Variants in MIOS observed in about 807,000 individuals in gnomAD.
The protein encoded by MIOS is meiosis regulator for oocyte development, also known as GATOR2 complex protein MIOS.
Under a neutral mutation model 96.9 loss-of-function variants are expected in MIOS, and 52 were observed. That is an observed-to-expected ratio of 0.54 (90% CI 0.43 to 0.68). MIOS has a LOEUF of 0.68. MIOS is among the 30% of genes least tolerant of loss of function. The pLI is 0.00. For synonymous variants in MIOS, 397 were observed against 359.5 expected (o/e 1.10, Z -1.18); for missense variants, 1,005 against 1,052.8 (o/e 0.95, Z 0.63).
chr7:7,586,927 G>C (rs1396239273), intron 7 of MIOS, among the ~76,000 whole-genome samples: 3 of 150,534 alleles, frequency 2.0e-5, no homozygotes, highest in Non-Finnish European at 4.4e-5. Flanking sequence ...GATGTATATT[G>C]TTTAAATATT....
At chr7:7,593,907 G>A (rs28549399) in intron 9 of MIOS, among the ~76,000 whole-genome samples, 2,219 of 123,150 alleles carry the variant, frequency 0.018, 50 homozygotes, top group African/African-American at 0.068. Context: ...AAAAAGAAAA[G>A]AAAAAAAGAA....
At chr7:7,583,974 C>A (rs1783808375) in intron 6 of MIOS, among the ~76,000 whole-genome samples, 1 of 152,016 alleles carries the variant, frequency 6.6e-6, no homozygotes, top group Non-Finnish European at 1.5e-5. Context: ...AAAAACAAAT[C>A]CTAATACAAA....
intron 11 of MIOS, among the ~76,000 whole-genome samples, chr7:7,603,038 T>G (rs925780089): frequency 6.6e-6 from 1 of 151,738 alleles, no homozygotes; most frequent in Non-Finnish European, 1.5e-5. Flanking sequence ...TGAAACTGGA[T>G]CCCTTCCTTA....
At chr7:7,574,643 T>C (rs947607214) in intron 5 of MIOS, among the ~76,000 whole-genome samples, 7 of 152,136 alleles carry the variant, frequency 4.6e-5, no homozygotes, top group South Asian at 2.1e-4. Flanking sequence ...GAGTATGATA[T>C]GAAATATGGC....
chr7:7,575,953 A>G (rs1783518418), intron 5 of MIOS, among the ~76,000 whole-genome samples: 2 of 151,802 alleles, frequency 1.3e-5, no homozygotes, highest in Admixed American at 1.3e-4. Context: ...ATACTGTCAA[A>G]TATGCCACTC....
chr7:7,569,919 A>G (rs1280974700), intron 3 of MIOS, among the ~76,000 whole-genome samples: 1 of 152,254 alleles, frequency 6.6e-6, no homozygotes, highest in Non-Finnish European at 1.5e-5. Flanking sequence ...GTAAAAGGAC[A>G]GCAAGAATGT....
At chr7:7,585,865 T>C in intron 7 of MIOS, 60 bp downstream of exon 7, 1 of 1,356,962 alleles carries the variant, frequency 7.4e-7, no homozygotes, top group Non-Finnish European at 9.9e-7. Flanking sequence ...TTTATCTAAC[T>C]TTATTAAAAT....
chr7:7,569,785 G>A (rs1783287640), intron 3 of MIOS, among the ~76,000 whole-genome samples: 1 of 152,198 alleles, frequency 6.6e-6, no homozygotes, highest in Admixed American at 6.5e-5. Flanking sequence ...TTGACGTCAA[G>A]GTTGAGCAGG....
At position 7,597,494 on chromosome 7, in the gene MIOS, ATATATATATATATATATATAT is replaced by A. The variant is rs1563040931; in HGVS notation, c.2401+1034_2401+1054del. On this transcript the variant is annotated intron_variant, in intron 11 of 12. Transcript: ENST00000340080. ...TATATATATATATATATATATATAT[ATATATATATATATATATATAT>A]ATGAAGGCAATACGTAATGTTTTAA... 6.4e-3 allele frequency among the ~76,000 whole-genome samples: 415 copies of A among 64,744 alleles called. 44 individuals carry two copies. The highest frequency in any genetic ancestry group is 8.5e-3 in the Non-Finnish European group (272 of 32,174). 42.5% of individuals were successfully genotyped at this position (64,744 alleles called of 152,430 possible). A position where few individuals can be genotyped will look rare whatever the true frequency, so the allele number is the denominator to read the frequency against.
intron 11 of MIOS, among the ~76,000 whole-genome samples, chr7:7,597,052 C>T (rs1040409080): frequency 3.3e-5 from 5 of 152,088 alleles, no homozygotes; most frequent in Admixed American, 2.6e-4. Flanking sequence ...TTTGGCCGGA[C>T]ATGGTGGCTC....
intron 11 of MIOS, among the ~76,000 whole-genome samples, chr7:7,602,540 G>T (rs544633009): frequency 1.3e-5 from 2 of 152,122 alleles, no homozygotes; most frequent in Non-Finnish European, 2.9e-5. Context: ...CCTCTTCAAG[G>T]AGAACTACAA....
chr7:7,602,343 A>C (rs1784404469), intron 11 of MIOS, among the ~76,000 whole-genome samples: 1 of 152,222 alleles, frequency 6.6e-6, no homozygotes, highest in Non-Finnish European at 1.5e-5. Flanking sequence ...TCAGCCCAAA[A>C]TCTCCTTAAG....
At chr7:7,568,283 T>C (rs1239818638) in intron 3 of MIOS, among the ~76,000 whole-genome samples, 160 bp downstream of exon 3, 2 of 152,216 alleles carry the variant, frequency 1.3e-5, no homozygotes, top group Admixed American at 1.3e-4. Flanking sequence ...CTCATTTCAG[T>C]TGATTGTCAC....
chr7:7,604,943 T>C (rs1412419319), intron 11 of MIOS, among the ~76,000 whole-genome samples: 10 of 152,190 alleles, frequency 6.6e-5, no homozygotes, highest in Non-Finnish European at 1.5e-4. Flanking sequence ...TCATTATTAA[T>C]TGTTGGTGAC....
chr7:7,601,301 TCAA>T (rs1320837954), intron 11 of MIOS, among the ~76,000 whole-genome samples: 1 of 143,820 alleles, frequency 7.0e-6, no homozygotes, highest in East Asian at 2.0e-4. Flanking sequence ...TTTGAAAAGA[TCAA>T]CAAAATTGAT....
chr7:7,568,517 A>T (rs149698784), intron 3 of MIOS, among the ~76,000 whole-genome samples: 18 of 152,344 alleles, frequency 1.2e-4, no homozygotes, highest in Admixed American at 2.6e-4. Flanking sequence ...GTGGACATAG[A>T]TGCACCTCTC....
At chr7:7,600,805 A>G (rs532789051) in intron 11 of MIOS, among the ~76,000 whole-genome samples, 4 of 152,320 alleles carry the variant, frequency 2.6e-5, no homozygotes, top group African/African-American at 7.2e-5. Flanking sequence ...AAAATTGACC[A>G]CATAGTTGGA....
intron 11 of MIOS, chr7:7,605,633 A>C (rs976383296): frequency 4.6e-6 from 1 of 218,344 alleles, no homozygotes; most frequent in Non-Finnish European, 9.2e-6. Context: ...TTCACTTGTA[A>C]ACTGGGCCTG....
rs558836254 is a variant in MIOS, at chr7:7,593,827, C to A, written c.2044-1153C>A. Among the ~76,000 whole-genome samples the A allele has an allele frequency of 3.6e-5, 5 of 139,560 alleles. No homozygotes were observed. The East Asian group carries it at 1.0e-3, about 29-fold the overall frequency. 91.6% of individuals were successfully genotyped at this position (139,560 alleles called of 152,430 possible). A position where few individuals can be genotyped will look rare whatever the true frequency, so the allele number is the denominator to read the frequency against. On this transcript the variant is annotated intron_variant, in intron 9 of 12. Coordinates refer to ENST00000340080, the MANE Select transcript of MIOS (RefSeq NM_019005.4). ...CCGGGAGGCAGAGGTTGCAGTGAGC[C>A]GAGATCGTGCCACTGCGCTCCAGCC...
Sources: allele counts gnomAD v4.1 joint callset (sites outside exome capture counted in the v4.1 genomes callset), GRCh38; gene constraint gnomAD v4.1.1; transcripts MANE v1.5; gene names NCBI Gene and HGNC (gene_info 2026-07-23, HGNC 2026-07-21).